The following SPAG16 variants were observed in gnomAD, a reference collection of about 807,000 sequenced individuals.
SPAG16 encodes sperm-associated antigen 16 protein.
In SPAG16, 86 loss-of-function variants were observed where a neutral mutation model predicts 80.4. The observed-to-expected ratio is 1.07, with a 90% CI of 0.90 to 1.28. The LOEUF is 1.28. Ranked by LOEUF, SPAG16 falls within the 50% of genes most tolerant of loss-of-function variation. The probability of loss-of-function intolerance (pLI) is 0.00; values close to 1 mark genes in which losing one functional copy is unlikely to be tolerated. For missense variants in SPAG16, 870 were observed against 765.3 expected (o/e 1.14, Z -1.61); for synonymous variants, 294 against 265.9 (o/e 1.11, Z -1.03).
At chr2:213,652,810 GC>G (rs2063071561) in intron 10 of SPAG16, among the ~76,000 whole-genome samples, 1 of 152,026 alleles carries the variant, frequency 6.6e-6, no homozygotes, top group African/African-American at 2.4e-5. Context: ...TCTATAGGTT[GC>G]CTTTTTATCC....
rs533321450 is a variant in SPAG16, at chr2:214,081,719, T to C, written c.1528-26477T>C. ...ATGCCACCCAGTTTGTGATGTTTTG[T>C]TATGACAGCCCTAGGAAACTAATAA... On this transcript the variant is annotated intron_variant, in intron 13 of 15. Coordinates refer to ENST00000331683, the MANE Select transcript of SPAG16 (RefSeq NM_024532.5). Among the ~76,000 whole-genome samples the C allele has an allele frequency of 3.9e-5, 6 of 152,328 alleles. No individual in the cohort carries two copies. In the South Asian group the frequency reaches 1.2e-3, roughly 32 times the overall value.
At chr2:213,693,409 G>A (rs984431283) in intron 10 of SPAG16, among the ~76,000 whole-genome samples, 4 of 152,158 alleles carry the variant, frequency 2.6e-5, no homozygotes, top group African/African-American at 9.7e-5. Flanking sequence ...GCACACTGAC[G>A]CTTCAGTTTT....
Position 213,471,724 on chromosome 2 carries a change from C to G in SPAG16, c.943-18239C>G, listed in dbSNP as rs144262156. Among the ~76,000 whole-genome samples the G allele has an allele frequency of 3.8e-3, 575 of 152,296 alleles. 2 individuals are homozygous for G. Among genetic ancestry groups the G allele is most frequent in the Non-Finnish European group, 6.2e-3 (420 of 68,022 alleles). ...TCCTTGATCTGTTGCAGAGCCTTCTCCTGTTCTGGAGCCCACTCAAAACTG... is the reference window on the plus strand; with the variant it reads ...TCCTTGATCTGTTGCAGAGCCTTCTGCTGTTCTGGAGCCCACTCAAAACTG... On this transcript the variant is annotated intron_variant, in intron 9 of 15. Coordinates refer to ENST00000331683, the MANE Select transcript of SPAG16 (RefSeq NM_024532.5).
intron 3 of SPAG16, among the ~76,000 whole-genome samples, chr2:213,298,309 C>T (rs1033155187): frequency 2.0e-5 from 3 of 152,134 alleles, no homozygotes; most frequent in Non-Finnish European, 4.4e-5. Flanking sequence ...AAAGTGAAAT[C>T]TATTCCATAG....
At chr2:214,116,798 C>G (rs532670859) in intron 14 of SPAG16, among the ~76,000 whole-genome samples, 3 of 152,168 alleles carry the variant, frequency 2.0e-5, no homozygotes, top group Non-Finnish European at 4.4e-5. Flanking sequence ...TGAGAGGTTC[C>G]TCTAGTGCTA....
intron 9 of SPAG16, among the ~76,000 whole-genome samples, chr2:213,430,243 G>A (rs1390389330): frequency 6.6e-6 from 1 of 152,192 alleles, no homozygotes; most frequent in Non-Finnish European, 1.5e-5. Flanking sequence ...AAAAAGAAAA[G>A]AGCATTTTGG....
At chr2:213,547,672 A>C (rs1297219508) in intron 10 of SPAG16, among the ~76,000 whole-genome samples, 2 of 152,212 alleles carry the variant, frequency 1.3e-5, no homozygotes, top group Non-Finnish European at 2.9e-5. Context: ...AACTAGGTAC[A>C]CAGTGAAATT....
intron 7 of SPAG16, among the ~76,000 whole-genome samples, chr2:213,363,610 A>G (rs2066116495): frequency 6.6e-6 from 1 of 152,122 alleles, no homozygotes; most frequent in Non-Finnish European, 1.5e-5. Context: ...ATGTTTAATA[A>G]AATAGAGAAT....
chr2:213,423,397 T>A (rs1434673973), intron 9 of SPAG16, among the ~76,000 whole-genome samples: 1 of 152,194 alleles, frequency 6.6e-6, no homozygotes, highest in African/African-American at 2.4e-5. Flanking sequence ...TTAAAATTAA[T>A]GATACAGGAT....
At chr2:213,874,411 T>C (rs1247633682) in intron 11 of SPAG16, among the ~76,000 whole-genome samples, 1 of 152,180 alleles carries the variant, frequency 6.6e-6, no homozygotes, top group Non-Finnish European at 1.5e-5. Context: ...CTCTATTTTT[T>C]ATTTTCAAAC....
intron 10 of SPAG16, among the ~76,000 whole-genome samples, chr2:213,575,781 T>A (rs935360290): frequency 1.3e-5 from 2 of 152,176 alleles, no homozygotes; most frequent in African/African-American, 4.8e-5. Flanking sequence ...ATAGCTCAAT[T>A]GTAGGATTAT....
intron 13 of SPAG16, among the ~76,000 whole-genome samples, chr2:214,033,705 T>C (rs968829436): frequency 6.6e-6 from 1 of 152,184 alleles, no homozygotes; most frequent in Admixed American, 6.5e-5. Context: ...TATTTTTCTC[T>C]CTTTGTCTGA....
At chr2:214,006,342 T>C (rs959104122) in intron 12 of SPAG16, among the ~76,000 whole-genome samples, 10 of 152,324 alleles carry the variant, frequency 6.6e-5, no homozygotes, top group South Asian at 2.1e-4. Context: ...AACAGTGTCC[T>C]TTTAGAGTTA....
At chr2:214,090,580 T>A (rs1358478975) in intron 13 of SPAG16, among the ~76,000 whole-genome samples, 5 of 151,934 alleles carry the variant, frequency 3.3e-5, no homozygotes, top group Non-Finnish European at 7.4e-5. Flanking sequence ...TGACATGGAT[T>A]TAGCACCAGC....
intron 15 of SPAG16, among the ~76,000 whole-genome samples, chr2:214,346,826 C>G (rs911757975): frequency 3.3e-5 from 5 of 152,180 alleles, no homozygotes; most frequent in African/African-American, 1.2e-4. Flanking sequence ...ACTCACAACA[C>G]TAGCTCATTC....
intron 10 of SPAG16, among the ~76,000 whole-genome samples, chr2:213,629,371 T>A (rs2062064674): frequency 6.6e-6 from 1 of 152,174 alleles, no homozygotes; most frequent in African/African-American, 2.4e-5. Flanking sequence ...ACTAGCAACA[T>A]TTAGGGAATT....
intron 15 of SPAG16, among the ~76,000 whole-genome samples, chr2:214,407,804 TAACTTAG>T (rs1702079664): frequency 6.6e-6 from 1 of 151,462 alleles, no homozygotes; most frequent in Non-Finnish European, 1.5e-5. Context: ...GAACATTTTC[TAACTTAG>T]AAAGAGGTTA....
chr2:214,301,943 TGC>T (rs1694579675), intron 15 of SPAG16, among the ~76,000 whole-genome samples: 1 of 152,164 alleles, frequency 6.6e-6, no homozygotes, highest in South Asian at 2.1e-4. Flanking sequence ...GCACTGAGCT[TGC>T]TCTCTCCTAT....
At chr2:214,099,294 T>C (rs1425638127) in intron 13 of SPAG16, among the ~76,000 whole-genome samples, 2 of 152,120 alleles carry the variant, frequency 1.3e-5, no homozygotes, top group African/African-American at 4.8e-5. Context: ...AATTAATCTA[T>C]AAATAACAAT....
Sources: gnomAD v4.1 joint callset for allele counts (sites outside exome capture counted in the v4.1 genomes callset) on GRCh38, gnomAD v4.1.1 for gene constraint, MANE v1.5 for transcripts, NCBI Gene and HGNC (gene_info 2026-07-23, HGNC 2026-07-21) for gene names.